The following ZNF324B variants were observed in gnomAD, a reference collection of about 807,000 sequenced individuals.
ZNF324B encodes the protein zinc finger protein 324B.
In ZNF324B, 7 loss-of-function variants were observed where a neutral mutation model predicts 10.6. The observed-to-expected ratio is 0.66, with a 90% CI of 0.38 to 1.24. The LOEUF is 1.24. Among genes scored for constraint, ZNF324B ranks in the 50% most tolerant of loss-of-function variants. The pLI is 0.02. For synonymous variants in ZNF324B, 316 were observed against 321.0 expected, an observed-to-expected ratio of 0.98 and a Z score of 0.17; for missense variants, 640 against 764.7, an observed-to-expected ratio of 0.84 and a Z score of 1.92.
the ZNF324B span, chr19:58,433,356 A>G: frequency 6.2e-7 from 1 of 1,614,210 alleles, no homozygotes; most frequent in South Asian, 1.1e-5. Context: ...GTGCAAGGTT[A>G]CAAAGATGGC....
At chr19:58,437,801 T>C in the ZNF324B span, 1 of 985,424 alleles carries the variant, frequency 1.0e-6, no homozygotes, top group African/African-American at 1.7e-5. Context: ...CAAGAGGCAG[T>C]CATAGCCCCT....
At chr19:58,442,887 T>C in the ZNF324B span, 1 of 152,316 alleles carries the variant, frequency 6.6e-6, no homozygotes, top group South Asian at 2.1e-4. Flanking sequence ...AGCAAAAGAA[T>C]AAAGCTTCTA....
chr19:58,453,849 G>A, intron 2 of ZNF324B, 27 bp downstream of exon 2: 1 of 1,605,550 alleles, frequency 6.2e-7, no homozygotes, highest in Non-Finnish European at 8.5e-7. Context: ...TCCATGAAAA[G>A]TGCACTTGGT....
chr19:58,433,754 C>G, the ZNF324B span: 1 of 1,614,078 alleles, frequency 6.2e-7, no homozygotes, highest in Non-Finnish European at 8.5e-7. Context: ...TTTGTGTGAA[C>G]TCTCCAGTGT....
chr19:58,434,166 A>G, the ZNF324B span: 1 of 1,613,790 alleles, frequency 6.2e-7, no homozygotes, highest in Non-Finnish European at 8.5e-7. Flanking sequence ...GTCTTTCTCC[A>G]GTGTGAACTC....
intron 1 of ZNF324B, among the ~76,000 whole-genome samples, chr19:58,453,475 G>T (rs530910217): frequency 6.6e-6 from 1 of 152,310 alleles, no homozygotes; most frequent in East Asian, 1.9e-4. Flanking sequence ...CTTGTGTAGG[G>T]GTGGCCAGTG....
the ZNF324B span, among the ~76,000 whole-genome samples, chr19:58,427,654 C>CTT: frequency 4.1e-5 from 6 of 145,692 alleles, no homozygotes; most frequent in Middle Eastern, 3.5e-3. Flanking sequence ...CGCGCCCAGC[C>CTT]TTTTTTTTTT....
chr19:58,434,085 GT>G, the ZNF324B span: 1 of 1,614,128 alleles, frequency 6.2e-7, no homozygotes, highest in Non-Finnish European at 8.5e-7. Flanking sequence ...GTTCTCCGGT[GT>G]GAACTTTCTG....
the ZNF324B span, chr19:58,429,368 A>T: frequency 6.6e-6 from 1 of 152,096 alleles, no homozygotes; most frequent in African/African-American, 2.4e-5. Flanking sequence ...ATGAAGAGAA[A>T]CCTTTTCTTC....
the ZNF324B span, among the ~76,000 whole-genome samples, chr19:58,422,841 C>T: frequency 6.6e-6 from 1 of 152,116 alleles, no homozygotes; most frequent in Non-Finnish European, 1.5e-5. Context: ...AACATATGCT[C>T]ATGGATTAGG....
chr19:58,421,029 G>A, the ZNF324B span, among the ~76,000 whole-genome samples: 2 of 149,970 alleles, frequency 1.3e-5, no homozygotes, highest in African/African-American at 2.5e-5. Context: ...AAAGACATAC[G>A]AGATGCTAAA....
the ZNF324B span, among the ~76,000 whole-genome samples, chr19:58,424,676 A>T: frequency 6.6e-6 from 1 of 152,222 alleles, no homozygotes; most frequent in African/African-American, 2.4e-5. Flanking sequence ...GACAGTTCTT[A>T]AAATGTTAAA....
chr19:58,440,950 T>C, the ZNF324B span: 1 of 152,328 alleles, frequency 6.6e-6, no homozygotes, highest in Non-Finnish European at 1.5e-5. Context: ...GATTGAGAAG[T>C]ATCTGCCCCA....
At chr19:58,422,747 A>C in the ZNF324B span, among the ~76,000 whole-genome samples, 4 of 152,144 alleles carry the variant, frequency 2.6e-5, no homozygotes, top group African/African-American at 7.2e-5. Context: ...AATTGAAGAG[A>C]CCTTTGGATT....
At chr19:58,452,604 G>A (rs1489571185) in intron 1 of ZNF324B, 4 of 618,628 alleles carry the variant, frequency 6.5e-6, no homozygotes, top group African/African-American at 2.0e-5. Flanking sequence ...GCTGTAGATA[G>A]AAAGGAGAAT....
At chr19:58,450,198 C>T (rs568553079), upstream of ZNF324B, among the ~76,000 whole-genome samples, 1 of 152,278 alleles carries the variant, frequency 6.6e-6, no homozygotes, top group South Asian at 2.1e-4. Context: ...CTTTCACCTT[C>T]TGTCATGATT....
the ZNF324B span, among the ~76,000 whole-genome samples, chr19:58,422,409 C>T: frequency 6.6e-6 from 1 of 152,062 alleles, no homozygotes; most frequent in African/African-American, 2.4e-5. Flanking sequence ...TACTAGATGT[C>T]CTAGCCAGGC....
At chr19:58,427,349 C>CTCTTTCCTTTCTTT in the ZNF324B span, among the ~76,000 whole-genome samples, 1 of 55,960 alleles carries the variant, frequency 1.8e-5, no homozygotes, top group African/African-American at 6.6e-5. Flanking sequence ...CTTTCTCTTT[C>CTCTTTCCTTTCTTT]CTTTCTTTCT....
the ZNF324B span, chr19:58,441,011 T>G: frequency 1.3e-5 from 2 of 152,330 alleles, no homozygotes; most frequent in Admixed American, 1.3e-4. Context: ...AGGTTGGGGG[T>G]CACCATTTCA....
Sources: allele counts gnomAD v4.1 joint callset (sites outside exome capture counted in the v4.1 genomes callset), GRCh38; gene constraint gnomAD v4.1.1; transcripts MANE v1.5; gene names NCBI Gene and HGNC (gene_info 2026-07-23, HGNC 2026-07-21).